ERBB4: variants seen among roughly 807,000 people sequenced by gnomAD.
ERBB4 encodes receptor tyrosine-protein kinase erbB-4.
Under a neutral mutation model 158.0 loss-of-function variants are expected in ERBB4, and 42 were observed. That is an observed-to-expected ratio of 0.27 (90% CI 0.21 to 0.34). The LOEUF is 0.34. Ranked by LOEUF, ERBB4 falls within the 10% of genes least tolerant of loss-of-function variation. ERBB4 has a pLI of 1.00. For synonymous variants in ERBB4, 583 were observed against 558.7 expected (o/e 1.04, Z -0.61); for missense variants, 1,333 against 1,624.1 (o/e 0.82, Z 3.08).
intron 2 of ERBB4, among the ~76,000 whole-genome samples, chr2:211,991,548 G>C (rs2082075313): frequency 6.6e-6 from 1 of 152,066 alleles, no homozygotes; most frequent in Non-Finnish European, 1.5e-5. Context: ...CTGGAATAAA[G>C]AGTTTTATTG....
At chr2:212,220,345 G>T (rs62182604) in intron 1 of ERBB4, among the ~76,000 whole-genome samples, 1 of 151,392 alleles carries the variant, frequency 6.6e-6, no homozygotes, top group East Asian at 1.9e-4. Context: ...AAACACATAA[G>T]TACACTATCA....
intron 3 of ERBB4, among the ~76,000 whole-genome samples, chr2:211,933,320 A>T (rs2080227488): frequency 6.6e-6 from 1 of 152,048 alleles, no homozygotes; most frequent in African/African-American, 2.4e-5. Context: ...GCTTCCTTCC[A>T]TTCTATATTT....
chr2:211,477,625 T>C (rs1428175984), intron 20 of ERBB4, among the ~76,000 whole-genome samples: 1 of 152,108 alleles, frequency 6.6e-6, no homozygotes, highest in Non-Finnish European at 1.5e-5. Context: ...GCATATGTTT[T>C]GTATATTTTT....
intron 20 of ERBB4, among the ~76,000 whole-genome samples, chr2:211,492,379 A>T (rs2065365817): frequency 3.3e-5 from 5 of 152,144 alleles, no homozygotes; most frequent in Admixed American, 3.3e-4. Context: ...TACTGCATTT[A>T]TAAGTTTCAT....
intron 20 of ERBB4, among the ~76,000 whole-genome samples, chr2:211,464,670 T>C (rs115767420): frequency 4.1e-3 from 621 of 152,246 alleles, no homozygotes; most frequent in Admixed American, 8.2e-3. Flanking sequence ...TCCCACCCTA[T>C]AGAATCTTCA....
intron 22 of ERBB4, among the ~76,000 whole-genome samples, chr2:211,427,201 T>C (rs1465918279): frequency 2.0e-5 from 3 of 148,508 alleles, no homozygotes; most frequent in African/African-American, 7.2e-5. Flanking sequence ...TCTTCAGTGA[T>C]TGAATGGTTT....
chr2:211,470,412 A>G (rs1340582200), intron 20 of ERBB4, among the ~76,000 whole-genome samples: 2 of 152,166 alleles, frequency 1.3e-5, no homozygotes, highest in Non-Finnish European at 2.9e-5. Flanking sequence ...ATTACAGAAC[A>G]GTTGTTTTCA....
chr2:212,177,788 G>T (rs370554952), intron 1 of ERBB4, among the ~76,000 whole-genome samples: 1 of 152,016 alleles, frequency 6.6e-6, no homozygotes, highest in South Asian at 2.1e-4. Flanking sequence ...TTACACTAAT[G>T]AAGTTTAATT....
chr2:212,299,738 C>G (rs1232082989), intron 1 of ERBB4, among the ~76,000 whole-genome samples: 5 of 151,528 alleles, frequency 3.3e-5, no homozygotes, highest in African/African-American at 1.2e-4. Flanking sequence ...CACTAATGAG[C>G]AGCGATAGCC....
chr2:212,008,542 A>G (rs2076308769), intron 2 of ERBB4, among the ~76,000 whole-genome samples: 2 of 152,122 alleles, frequency 1.3e-5, no homozygotes, highest in South Asian at 4.1e-4. Flanking sequence ...AGCGCTGCAC[A>G]TTCAGTCATT....
intron 22 of ERBB4, 46 bp downstream of exon 22, chr2:211,428,362 G>A (rs991045306): frequency 1.9e-5 from 19 of 1,002,346 alleles, no homozygotes; most frequent in Non-Finnish European, 3.0e-5. Flanking sequence ...CTTAACATAT[G>A]TATTTTTGCT....
intron 1 of ERBB4, among the ~76,000 whole-genome samples, chr2:212,206,431 T>C (rs1292360300): frequency 6.6e-6 from 1 of 152,158 alleles, no homozygotes; most frequent in Non-Finnish European, 1.5e-5. Flanking sequence ...TTGCATGGGA[T>C]TAAATGATGT....
intron 20 of ERBB4, among the ~76,000 whole-genome samples, chr2:211,449,605 C>T (rs909718227): frequency 6.6e-6 from 1 of 152,102 alleles, no homozygotes; most frequent in African/African-American, 2.4e-5. Context: ...AAGAAATGCC[C>T]TTATCCCTAA....
At chr2:212,255,422 C>A (rs187091165) in intron 1 of ERBB4, among the ~76,000 whole-genome samples, 22 of 152,108 alleles carry the variant, frequency 1.4e-4, no homozygotes, top group African/African-American at 4.8e-4. Flanking sequence ...ACCTAATCTG[C>A]CAATTATGTT....
intron 1 of ERBB4, among the ~76,000 whole-genome samples, chr2:212,515,888 C>T (rs1298630120): frequency 6.6e-6 from 1 of 151,688 alleles, no homozygotes; most frequent in African/African-American, 2.4e-5. Context: ...GAGTTATCTC[C>T]AGCTTCTTAA....
At chr2:211,384,861 TAATA>T (rs1480822445) in intron 27 of ERBB4, among the ~76,000 whole-genome samples, 1 of 152,152 alleles carries the variant, frequency 6.6e-6, no homozygotes, top group African/African-American at 2.4e-5. Context: ...CGGATCAATC[TAATA>T]AATCCATCTA....
intron 3 of ERBB4, among the ~76,000 whole-genome samples, chr2:211,792,712 T>C (rs1487129174): frequency 6.6e-6 from 1 of 151,884 alleles, no homozygotes; most frequent in Non-Finnish European, 1.5e-5. Context: ...AGGTATAAAC[T>C]GCCAATATGA....
intron 20 of ERBB4, among the ~76,000 whole-genome samples, chr2:211,524,091 A>G (rs1204459540): frequency 6.6e-6 from 1 of 152,048 alleles, no homozygotes; most frequent in Admixed American, 6.5e-5. Flanking sequence ...TGTGTTTACA[A>G]ACCTTGAGCT....
chr2:211,516,296 T>C (rs572933269), intron 20 of ERBB4, among the ~76,000 whole-genome samples: 1 of 151,938 alleles, frequency 6.6e-6, no homozygotes, highest in South Asian at 2.1e-4. Context: ...GGAATCTCTT[T>C]TGTGGGTTTG....
Sources: allele counts gnomAD v4.1 joint callset (sites outside exome capture counted in the v4.1 genomes callset), GRCh38; gene constraint gnomAD v4.1.1; transcripts MANE v1.5; gene names NCBI Gene and HGNC (gene_info 2026-07-23, HGNC 2026-07-21).